Variants in BTBD9 observed in about 807,000 individuals in gnomAD.
BTBD9 encodes BTB/POZ domain-containing protein 9.
BTBD9 carries 49 observed loss-of-function variants against 64.3 expected under a neutral mutation model. The observed-to-expected ratio is 0.76, with a 90% CI of 0.61 to 0.97. BTBD9 has a LOEUF of 0.97. BTBD9 is among the 50% of genes least tolerant of loss of function. The pLI is 0.00. For synonymous variants in BTBD9, 260 were observed against 274.7 expected (o/e 0.95, Z 0.53); for missense variants, 598 against 762.1 (o/e 0.78, Z 2.53).
chr6:38,526,154 C>T (rs1162691493), intron 6 of BTBD9, among the ~76,000 whole-genome samples: 1 of 152,262 alleles, frequency 6.6e-6, no homozygotes, highest in African/African-American at 2.4e-5. Context: ...GGCCCTGCTG[C>T]TCTGTGCAGC....
chr6:38,190,464 GTCTAAAAAAAAAAAAAAAAA>G (rs1300676646), intron 10 of BTBD9, among the ~76,000 whole-genome samples: 1 of 78,126 alleles, frequency 1.3e-5, no homozygotes, highest in East Asian at 3.0e-4. Context: ...GTGAAACTCT[GTCTAAAAAAAAAAAAAAAAA>G]AAAAAAGATG....
At chr6:38,209,392 T>C (rs763442066) in intron 9 of BTBD9, among the ~76,000 whole-genome samples, 26 of 152,248 alleles carry the variant, frequency 1.7e-4, no homozygotes, top group Non-Finnish European at 3.1e-4. Flanking sequence ...ATCCTTATAC[T>C]GTTTTGTTCT....
At chr6:38,497,954 A>G (rs1772026391) in intron 6 of BTBD9, among the ~76,000 whole-genome samples, 1 of 152,226 alleles carries the variant, frequency 6.6e-6, no homozygotes, top group Non-Finnish European at 1.5e-5. Flanking sequence ...AATAAGAATA[A>G]TGTGTGTTAG....
intron 6 of BTBD9, among the ~76,000 whole-genome samples, chr6:38,429,417 C>T (rs1380343552): frequency 1.3e-5 from 2 of 148,642 alleles, no homozygotes; most frequent in Non-Finnish European, 3.0e-5. Context: ...ATCGCACCAT[C>T]GCACTCCAGC....
At position 38,438,206 on chromosome 6, in the gene BTBD9, AGGAGGGAGGGAG is replaced by A. The variant is rs748681270; in HGVS notation, c.1155-93125_1155-93114del. The stretch of plus-strand genomic sequence containing the variant: ...AAGGAAGGAGGAAAGGAGGAAAGGA[AGGAGGGAGGGAG>A]GGAGGGAGGGAGGGAGGGAGGGAGG... On this transcript the variant is annotated intron_variant, in intron 6 of 10. Transcript: ENST00000481247. Among the ~76,000 whole-genome samples, 369 of 98,456 alleles carry A rather than the reference AGGAGGGAGGGAG, an allele frequency of 3.7e-3. 1 individual carries two copies. The highest frequency in any genetic ancestry group is 5.2e-3 in the Non-Finnish European group (269 of 51,386). 64.6% of individuals were successfully genotyped at this position (98,456 alleles called of 152,430 possible). A position where few individuals can be genotyped will look rare whatever the true frequency, so the allele number is the denominator to read the frequency against.
intron 7 of BTBD9, among the ~76,000 whole-genome samples, chr6:38,291,315 G>A (rs563264022): frequency 6.6e-5 from 10 of 152,312 alleles, no homozygotes; most frequent in East Asian, 3.9e-4. Context: ...TGGTGTATAG[G>A]AATGCTTGTG....
At chr6:38,509,438 T>G (rs895672018) in intron 6 of BTBD9, among the ~76,000 whole-genome samples, 1 of 152,202 alleles carries the variant, frequency 6.6e-6, no homozygotes. Context: ...CATCTATAAT[T>G]CTGCATATTT....
intron 8 of BTBD9, among the ~76,000 whole-genome samples, chr6:38,262,448 C>A (rs996121080): frequency 4.0e-5 from 6 of 151,814 alleles, no homozygotes; most frequent in Middle Eastern, 3.4e-3. Flanking sequence ...TGCAGTTTCC[C>A]TAAAAGCAGT....
intron 6 of BTBD9, among the ~76,000 whole-genome samples, chr6:38,574,857 C>A (rs1420264369): frequency 6.6e-6 from 1 of 152,096 alleles, no homozygotes; most frequent in Non-Finnish European, 1.5e-5. Context: ...CTCCACAGCC[C>A]ACTGTTTTAA....
intron 6 of BTBD9, among the ~76,000 whole-genome samples, chr6:38,576,956 TA>T (rs1029837262): frequency 6.6e-6 from 1 of 152,160 alleles, no homozygotes; most frequent in Non-Finnish European, 1.5e-5. Flanking sequence ...TTGATACTTT[TA>T]AAAGACAACC....
intron 6 of BTBD9, among the ~76,000 whole-genome samples, chr6:38,379,145 G>A (rs775453159): frequency 2.6e-5 from 4 of 152,188 alleles, no homozygotes; most frequent in Non-Finnish European, 5.9e-5. Context: ...ATGTAGGCTT[G>A]GGGAAAGGAG....
chr6:38,355,571 G>A (rs1471533062), intron 6 of BTBD9, among the ~76,000 whole-genome samples: 1 of 152,188 alleles, frequency 6.6e-6, no homozygotes, highest in Admixed American at 6.5e-5. Context: ...CTTAACGAGT[G>A]GAATGAACAG....
intron 7 of BTBD9, 30 bp from the exon 8 acceptor site, chr6:38,288,491 A>G: frequency 6.2e-7 from 1 of 1,602,704 alleles, no homozygotes; most frequent in Non-Finnish European, 8.5e-7. Flanking sequence ...ATTTGGCATC[A>G]GGATAAGAGA....
rs1320006854 is a variant in BTBD9 at position 38,334,629 on chromosome 6, A to AC, written c.1264+10354_1264+10355insG. Among the ~76,000 whole-genome samples, 178 of 133,000 alleles carry AC rather than the reference A, an allele frequency of 1.3e-3. 1 individual carries two copies. Among genetic ancestry groups the AC allele is most frequent in the African/African-American group, 5.6e-3 (147 of 26,192 alleles). The allele number at this position is 133,000 out of a possible 152,430, so 87.3% of individuals were successfully genotyped here. ...ACATAACATAACATAACATAACATAAAATAAATAAAATAATAAAATAAAAT... is the reference window on the plus strand; with the variant it reads ...ACATAACATAACATAACATAACATAACAATAAATAAAATAATAAAATAAAAT... On this transcript the variant is annotated intron_variant, in intron 7 of 10. Transcript: ENST00000481247.
At position 38,229,749 on chromosome 6, in the gene BTBD9, G is replaced by C. The variant is rs73730915; in HGVS notation, c.1562+26660C>G. Among the ~76,000 whole-genome samples the C allele has an allele frequency of 9.0e-3, 1,366 of 152,260 alleles. 23 individuals are homozygous for C. Among genetic ancestry groups the C allele is most frequent in the African/African-American group, 0.031 (1,277 of 41,538 alleles). On this transcript the variant is annotated intron_variant, in intron 9 of 10. Transcript: ENST00000481247. ...CCTGTACTTGTAGAATTGATTTTCT[G>C]AACCTAAATGGAGAGCATCACATTT...
intron 6 of BTBD9, among the ~76,000 whole-genome samples, chr6:38,432,781 G>A (rs777778326): frequency 6.6e-6 from 1 of 151,662 alleles, no homozygotes; most frequent in African/African-American, 2.4e-5. Context: ...AGATTACATC[G>A]CCAATCAGCA....
At chr6:38,304,887 G>A (rs1422277117) in intron 7 of BTBD9, among the ~76,000 whole-genome samples, 1 of 152,110 alleles carries the variant, frequency 6.6e-6, no homozygotes, top group Non-Finnish European at 1.5e-5. Flanking sequence ...AATCATTCTA[G>A]CACTGTCCCA....
At position 38,628,700 on chromosome 6, in the gene BTBD9, T is replaced by C. The variant is rs369096305; in HGVS notation, c.-28+11100A>G. 1.2e-4 allele frequency among the ~76,000 whole-genome samples: 18 copies of C among 152,164 alleles called. No homozygotes were observed. In the East Asian group the frequency reaches 2.9e-3, roughly 24 times the overall value. ...CAGTATGAACTCATGGTTTTTAATA[T>C]AGATATACAAAAATATAGAAAGGTA... On this transcript the variant is annotated intron_variant, in intron 1 of 10. Transcript: ENST00000481247.
chr6:38,574,235 T>C (rs1052508827), intron 6 of BTBD9, among the ~76,000 whole-genome samples: 3 of 152,182 alleles, frequency 2.0e-5, no homozygotes, highest in African/African-American at 4.8e-5. Context: ...TTATCTGCCA[T>C]TAGATAACAT....
Sources: allele counts gnomAD v4.1 joint callset (sites outside exome capture counted in the v4.1 genomes callset), GRCh38; gene constraint gnomAD v4.1.1; transcripts MANE v1.5; gene names NCBI Gene and HGNC (gene_info 2026-07-23, HGNC 2026-07-21).